KIAA1217: variants seen among roughly 807,000 people sequenced by gnomAD.
The protein encoded by KIAA1217 is sickle tail protein homolog.
KIAA1217 carries 88 observed loss-of-function variants against 163.9 expected under a neutral mutation model. The ratio of observed to expected loss-of-function variants is 0.54; its 90% CI spans 0.45 to 0.64. The LOEUF (loss-of-function observed/expected upper bound fraction) is 0.64, where lower values mean the gene tolerates loss of function less well. Ranked by LOEUF, KIAA1217 falls within the 30% of genes least tolerant of loss-of-function variation. The probability of loss-of-function intolerance (pLI) is 0.00; values close to 1 mark genes in which losing one functional copy is unlikely to be tolerated. For missense variants in KIAA1217, 2,372 were observed against 2,475.0 expected, an observed-to-expected ratio of 0.96 and a Z score of 0.88; for synonymous variants, 903 against 923.1, an observed-to-expected ratio of 0.98 and a Z score of 0.39.
chr10:24,529,630 C>G (rs1333117893), intron 14 of KIAA1217, among the ~76,000 whole-genome samples: 1 of 152,010 alleles, frequency 6.6e-6, no homozygotes, highest in Non-Finnish European at 1.5e-5. Flanking sequence ...CACTGCATCC[C>G]TCCCCCTCAG....
intron 2 of KIAA1217, among the ~76,000 whole-genome samples, chr10:24,285,409 G>C (rs1459760578): frequency 6.6e-6 from 1 of 152,162 alleles, no homozygotes; most frequent in Non-Finnish European, 1.5e-5. Context: ...TGTATATGGT[G>C]ATAAGTAGAG....
At chr10:24,362,163 AC>A (rs2050121039) in intron 2 of KIAA1217, among the ~76,000 whole-genome samples, 1 of 152,260 alleles carries the variant, frequency 6.6e-6, no homozygotes, top group Admixed American at 6.5e-5. Flanking sequence ...GGAATTGTGT[AC>A]AGTGTTTCAC....
At chr10:23,792,555 C>T (rs1270225569) in intron 1 of KIAA1217, among the ~76,000 whole-genome samples, 2 of 151,570 alleles carry the variant, frequency 1.3e-5, no homozygotes, top group East Asian at 1.9e-4. Context: ...TGCAGTGATG[C>T]GATCTTGGCT....
chr10:24,173,144 G>A (rs1470343117), intron 2 of KIAA1217, among the ~76,000 whole-genome samples: 1 of 152,120 alleles, frequency 6.6e-6, no homozygotes, highest in African/African-American at 2.4e-5. Flanking sequence ...CAGATCACTG[G>A]TGGTATTAGA....
intron 19 of KIAA1217, 86 bp from the exon 20 acceptor site, chr10:24,544,894 CT>C: frequency 6.9e-7 from 1 of 1,447,358 alleles, no homozygotes; most frequent in Middle Eastern, 2.0e-4. Context: ...TCACCTTGAG[CT>C]TCTCTGCACA....
intron 2 of KIAA1217, among the ~76,000 whole-genome samples, chr10:24,246,795 G>C (rs7070329): frequency 0.78 from 117,886 of 152,090 alleles, 45,770 homozygotes; most frequent in Admixed American, 0.82. Flanking sequence ...AGGAGGATCA[G>C]TTGAGGCCAG....
chr10:24,290,577 C>T (rs1266879271), intron 2 of KIAA1217, among the ~76,000 whole-genome samples: 1 of 150,100 alleles, frequency 6.7e-6, no homozygotes, highest in African/African-American at 2.4e-5. Context: ...AAGAGAGTTT[C>T]AACAAAGCAT....
chr10:24,051,253 T>G (rs1436124875), intron 2 of KIAA1217, among the ~76,000 whole-genome samples: 1 of 152,340 alleles, frequency 6.6e-6, no homozygotes, highest in South Asian at 2.1e-4. Context: ...TGACATTATT[T>G]CATGCCTTTT....
At chr10:24,277,234 C>T (rs1165486111) in intron 2 of KIAA1217, among the ~76,000 whole-genome samples, 11 of 152,314 alleles carry the variant, frequency 7.2e-5, no homozygotes, top group Middle Eastern at 3.4e-3. Context: ...ACCTGGATTC[C>T]TCAGTTGCAG....
At chr10:23,781,617 T>C (rs944610873) in intron 1 of KIAA1217, among the ~76,000 whole-genome samples, 1 of 152,236 alleles carries the variant, frequency 6.6e-6, no homozygotes, top group Non-Finnish European at 1.5e-5. Context: ...CTTTTGCTTT[T>C]GTTGCCATAT....
intron 1 of KIAA1217, among the ~76,000 whole-genome samples, chr10:23,805,217 G>A (rs76576376): frequency 0.011 from 1,644 of 152,202 alleles, 8 homozygotes; most frequent in Non-Finnish European, 0.018. Context: ...ACATACATGC[G>A]TATGTTCATT....
intron 1 of KIAA1217, among the ~76,000 whole-genome samples, chr10:24,001,757 G>A: frequency 6.6e-6 from 1 of 152,122 alleles, no homozygotes; most frequent in East Asian, 1.9e-4. Flanking sequence ...TGAGCGAGGG[G>A]AATGTCTAAA....
intron 3 of KIAA1217, among the ~76,000 whole-genome samples, chr10:24,385,636 C>A (rs140330593): frequency 1.1e-3 from 174 of 152,272 alleles, no homozygotes; most frequent in African/African-American, 3.9e-3. Context: ...AACAACCTAT[C>A]GTGTCTAAAT....
chr10:24,118,898 A>G (rs1457401329), intron 2 of KIAA1217, among the ~76,000 whole-genome samples: 1 of 152,068 alleles, frequency 6.6e-6, no homozygotes, highest in Non-Finnish European at 1.5e-5. Flanking sequence ...GAAATTCAGG[A>G]TTACTTTTAA....
At chr10:24,395,242 C>T (rs1434495115) in intron 3 of KIAA1217, among the ~76,000 whole-genome samples, 1 of 152,182 alleles carries the variant, frequency 6.6e-6, no homozygotes, top group Non-Finnish European at 1.5e-5. Context: ...TTGATCCCTA[C>T]TTGATCTCTG....
intron 1 of KIAA1217, among the ~76,000 whole-genome samples, chr10:23,900,484 A>T (rs73604430): frequency 0.018 from 2,720 of 152,256 alleles, 88 homozygotes; most frequent in African/African-American, 0.061. Flanking sequence ...AACAATAAAA[A>T]TTGTTCCTGT....
chr10:24,526,237 C>T (rs1048352623), intron 13 of KIAA1217, among the ~76,000 whole-genome samples: 2 of 151,990 alleles, frequency 1.3e-5, no homozygotes, highest in South Asian at 2.1e-4. Flanking sequence ...GCCACAGCCA[C>T]GGTCGCAGCC....
At chr10:24,362,367 T>C (rs1432133070) in intron 2 of KIAA1217, among the ~76,000 whole-genome samples, 1 of 152,206 alleles carries the variant, frequency 6.6e-6, no homozygotes, top group Non-Finnish European at 1.5e-5. Flanking sequence ...AAATGGAAAT[T>C]AATACTAAAC....
chr10:23,884,560 T>C (rs1356351342), intron 1 of KIAA1217, among the ~76,000 whole-genome samples: 1 of 151,994 alleles, frequency 6.6e-6, no homozygotes, highest in East Asian at 1.9e-4. Flanking sequence ...TCTCTTCAGC[T>C]AATTTAGCCT....
Sources: allele counts gnomAD v4.1 joint callset (sites outside exome capture counted in the v4.1 genomes callset), GRCh38; gene constraint gnomAD v4.1.1; transcripts MANE v1.5; gene names NCBI Gene and HGNC (gene_info 2026-07-23, HGNC 2026-07-21).